Variants in PPP1R1C observed in about 807,000 individuals in gnomAD.
PPP1R1C encodes protein phosphatase 1 regulatory inhibitor subunit 1C.
A neutral mutation model predicts 17.4 loss-of-function variants in PPP1R1C; 15 were observed. The observed-to-expected ratio is 0.86, with a 90% CI of 0.58 to 1.33. The LOEUF is 1.33. Ranked by LOEUF, PPP1R1C falls within the 40% of genes most tolerant of loss-of-function variation. The pLI is 0.00. For synonymous variants in PPP1R1C, 35 were observed against 43.1 expected (o/e 0.81, Z 0.73); for missense variants, 143 against 130.0 (o/e 1.10, Z -0.48).
At chr2:182,099,865 C>T (rs985939813) in intron 4 of PPP1R1C, among the ~76,000 whole-genome samples, 5 of 152,070 alleles carry the variant, frequency 3.3e-5, no homozygotes, top group Admixed American at 1.3e-4. Flanking sequence ...TTAATATTAT[C>T]GCCTCAGGAA....
At chr2:182,039,782 A>G (rs1687126131) in intron 2 of PPP1R1C, among the ~76,000 whole-genome samples, 1 of 152,152 alleles carries the variant, frequency 6.6e-6, no homozygotes, top group South Asian at 2.1e-4. Flanking sequence ...CCCAATATGT[A>G]GTTTTTAATC....
rs780512749 is a variant in PPP1R1C at position 181,986,184 on chromosome 2, C to T, written c.74C>T (p.Ala25Val). The T allele has an allele frequency of 3.1e-6, 5 of 1,612,184 alleles. No individual in the cohort carries two copies. The highest frequency in any genetic ancestry group is 1.7e-5 in the Admixed American group (1 of 60,018). Residue 25 changes from alanine (A) to valine (V), a missense_variant, in exon 1 of 5, where the codon GCA becomes GTA. Transcript: ENST00000682840. ...CAGAGTCAGATTGCACCTGAAGCAGCAGAGCAGGTATGTGAAATTGCATGG... is the reference window on the plus strand; with the variant it reads ...CAGAGTCAGATTGCACCTGAAGCAGTAGAGCAGGTATGTGAAATTGCATGG... ...VFQSQIAPEA[A>V]EQIRKRRPTP...
chr2:182,103,539 A>G (rs547600396), intron 4 of PPP1R1C: 1 of 152,344 alleles, frequency 6.6e-6, no homozygotes, highest in East Asian at 1.9e-4. Context: ...CAAATGAAAG[A>G]AGAAAGTAGG....
At chr2:182,061,073 T>G (rs186527046) in intron 2 of PPP1R1C, among the ~76,000 whole-genome samples, 1 of 152,228 alleles carries the variant, frequency 6.6e-6, no homozygotes, top group African/African-American at 2.4e-5. Flanking sequence ...TGAGGAAATT[T>G]GACAAAGGCT....
intron 2 of PPP1R1C, among the ~76,000 whole-genome samples, chr2:182,053,182 G>C (rs1687578135): frequency 6.6e-6 from 1 of 152,134 alleles, no homozygotes; most frequent in South Asian, 2.1e-4. Context: ...ATTAGCTTTG[G>C]AAACAATTGT....
At chr2:182,015,935 C>T (rs990493780) in intron 2 of PPP1R1C, among the ~76,000 whole-genome samples, 5 of 152,176 alleles carry the variant, frequency 3.3e-5, no homozygotes, top group Admixed American at 2.6e-4. Context: ...CTCACTAGGT[C>T]ATTTGCACCC....
chr2:181,956,669 T>G (rs960848767), intron 1 of PPP1R1C, among the ~76,000 whole-genome samples: 1 of 152,130 alleles, frequency 6.6e-6, no homozygotes, highest in African/African-American at 2.4e-5. Context: ...TTTTTTCATG[T>G]TTTTTTGGCC....
intron 4 of PPP1R1C, among the ~76,000 whole-genome samples, chr2:182,074,375 G>A (rs1166628884): frequency 6.6e-6 from 1 of 151,992 alleles, no homozygotes; most frequent in African/African-American, 2.4e-5. Flanking sequence ...ATTTGCCTCA[G>A]TTTATCTGCT....
intron 4 of PPP1R1C, among the ~76,000 whole-genome samples, chr2:182,116,640 T>G (rs376247439): frequency 6.6e-6 from 1 of 152,206 alleles, no homozygotes; most frequent in Non-Finnish European, 1.5e-5. Flanking sequence ...GAGCCTTGTA[T>G]AGCAGGCAAA....
intron 5 of PPP1R1C, among the ~76,000 whole-genome samples, chr2:182,124,327 GTTTTTTTTT>G (rs1294464668): frequency 6.0e-5 from 5 of 83,008 alleles, no homozygotes; most frequent in African/African-American, 3.0e-4. Flanking sequence ...TTTTTTTTTT[GTTTTTTTTT>G]TTGTTTTTTT....
chr2:182,031,959 T>C (rs1363050333), intron 2 of PPP1R1C, among the ~76,000 whole-genome samples: 1 of 152,198 alleles, frequency 6.6e-6, no homozygotes, highest in Non-Finnish European at 1.5e-5. Context: ...ACTCGGGAGA[T>C]TGTTGGAGAG....
chr2:182,118,224 T>A (rs1007934072), downstream of PPP1R1C, among the ~76,000 whole-genome samples: 5 of 152,236 alleles, frequency 3.3e-5, no homozygotes, highest in Non-Finnish European at 7.4e-5. Flanking sequence ...ATTATAGAAA[T>A]AAAAGAAAGA....
intron 5 of PPP1R1C, among the ~76,000 whole-genome samples, chr2:182,127,026 C>G (rs148519212): frequency 6.6e-6 from 1 of 151,988 alleles, no homozygotes. Context: ...TTCGAAGGAA[C>G]GAACATAGTG....
chr2:182,051,058 C>A (rs1158965875), intron 2 of PPP1R1C, among the ~76,000 whole-genome samples: 1 of 152,194 alleles, frequency 6.6e-6, no homozygotes, highest in African/African-American at 2.4e-5. Flanking sequence ...AATAACCTAT[C>A]CTCACCTGAA....
chr2:182,075,878 G>C (rs1376017709), intron 4 of PPP1R1C, among the ~76,000 whole-genome samples: 4 of 151,958 alleles, frequency 2.6e-5, no homozygotes, highest in Non-Finnish European at 5.9e-5. Context: ...CAGTACTTCT[G>C]TGAAAAAATA....
intron 2 of PPP1R1C, among the ~76,000 whole-genome samples, chr2:182,012,508 G>A (rs1686115171): frequency 6.6e-6 from 1 of 151,992 alleles, no homozygotes; most frequent in Non-Finnish European, 1.5e-5. Flanking sequence ...CTTTATAGGT[G>A]AAGTGTGTTT....
At chr2:181,966,928 T>TG (rs1201972914) in intron 1 of PPP1R1C, among the ~76,000 whole-genome samples, 1 of 152,158 alleles carries the variant, frequency 6.6e-6, no homozygotes, top group Admixed American at 6.5e-5. Context: ...AGTGAAGCCA[T>TG]GGGGGGTGCT....
chr2:182,073,649 G>T (rs1338466066), intron 4 of PPP1R1C, among the ~76,000 whole-genome samples: 1 of 152,204 alleles, frequency 6.6e-6, no homozygotes, highest in Non-Finnish European at 1.5e-5. Flanking sequence ...GGAAATAGCT[G>T]GCACTTCCTG....
chr2:182,050,739 C>A (rs562658239), intron 2 of PPP1R1C, among the ~76,000 whole-genome samples: 9 of 152,202 alleles, frequency 5.9e-5, no homozygotes, highest in African/African-American at 1.9e-4. Flanking sequence ...AATACTTAAA[C>A]TTCGGCAAAA....
Sources: allele counts gnomAD v4.1 joint callset (sites outside exome capture counted in the v4.1 genomes callset), GRCh38; gene constraint gnomAD v4.1.1; transcripts MANE v1.5; gene names NCBI Gene and HGNC (gene_info 2026-07-23, HGNC 2026-07-21).